Variants in CENPE observed in about 807,000 individuals in gnomAD.
The protein encoded by CENPE is centromere protein E.
Under a neutral mutation model 336.1 loss-of-function variants are expected in CENPE, and 145 were observed. The observed-to-expected ratio is 0.43, with a 90% confidence interval of 0.38 to 0.50. CENPE has a LOEUF of 0.50. Among genes scored for constraint, CENPE ranks in the 20% least tolerant of loss-of-function variants. CENPE has a pLI of 0.00. For missense variants in CENPE, 2,719 were observed against 3,023.3 expected, an observed-to-expected ratio of 0.90 and a Z score of 2.36; for synonymous variants, 1,013 against 984.8, an observed-to-expected ratio of 1.03 and a Z score of -0.54.
chr4:103,144,598 T>C lies in CENPE; in HGVS notation c.4878A>G (p.Lys1626=). 6.2e-7 allele frequency: 1 copy of C among 1,604,832 alleles called. No homozygotes were observed. The highest frequency in any genetic ancestry group is 8.5e-7 in the Non-Finnish European group (1 of 1,176,534). ...IVAKMKESQE[K]EYQFLKMTAV... ...CTGTCATCTTAAGAAACTGATATTCTTTTTCTTGAGATTCTTTCATCTGAG... is the reference window on the plus strand; with the variant it reads ...CTGTCATCTTAAGAAACTGATATTCCTTTTCTTGAGATTCTTTCATCTGAG... Residue 1626 remains lysine, a synonymous_variant, in exon 33 of 49, where the codon AAA becomes AAG. Transcript: ENST00000265148.
intron 13 of CENPE, among the ~76,000 whole-genome samples, chr4:103,177,692 T>G (rs1023782332): frequency 1.3e-5 from 2 of 152,014 alleles, no homozygotes; most frequent in African/African-American, 4.8e-5. Flanking sequence ...AGCCTATCCA[T>G]GCAACCATTC....
At chr4:103,130,097 C>G (rs1333534737) in intron 42 of CENPE, among the ~76,000 whole-genome samples, 1 of 152,192 alleles carries the variant, frequency 6.6e-6, no homozygotes, top group African/African-American at 2.4e-5. Flanking sequence ...CTGCTGTGAT[C>G]AGAAACAAGG....
chr4:103,131,965 T>C (rs1243428532), intron 42 of CENPE, among the ~76,000 whole-genome samples: 1 of 152,146 alleles, frequency 6.6e-6, no homozygotes, highest in Non-Finnish European at 1.5e-5. Context: ...TGAATACAGG[T>C]GGAACCCAGG....
intron 42 of CENPE, among the ~76,000 whole-genome samples, chr4:103,124,793 A>G (rs906157300): frequency 6.6e-5 from 10 of 152,104 alleles, no homozygotes; most frequent in Non-Finnish European, 8.8e-5. Context: ...TCATTCTACC[A>G]GGCTTTGTGG....
chr4:103,120,382 A>G, intron 43 of CENPE, 49 bp from the exon 44 acceptor site: 1 of 1,457,082 alleles, frequency 6.9e-7, no homozygotes, highest in East Asian at 2.3e-5. Context: ...AGACAGAATC[A>G]CAGTATAGAA....
intron 8 of CENPE, among the ~76,000 whole-genome samples, chr4:103,193,373 T>G (rs1757510034): frequency 6.6e-6 from 1 of 152,146 alleles, no homozygotes; most frequent in African/African-American, 2.4e-5. Flanking sequence ...AAATTAGGAT[T>G]GAATATTAAG....
At chr4:103,194,144 G>T in intron 8 of CENPE, 85 bp downstream of exon 8, 2 of 992,968 alleles carry the variant, frequency 2.0e-6, no homozygotes, top group Non-Finnish European at 1.6e-6. Flanking sequence ...TTAGTTAACA[G>T]TTCTTATTAA....
At position 103,194,365 on chromosome 4, in the gene CENPE, A is replaced by T; in HGVS notation, c.627+9T>A. 6.2e-7 allele frequency: 1 copy of T among 1,604,286 alleles called. No homozygotes were observed. The highest frequency in any genetic ancestry group is 1.1e-5 in the South Asian group (1 of 90,804). Reference sequence around the variant, plus strand: ...TGGAAAGATCTAACAGATAGATAGAATTACCTACCATCCTAAAGATGGTAT... The same window carrying T: ...TGGAAAGATCTAACAGATAGATAGATTTACCTACCATCCTAAAGATGGTAT... On this transcript the variant is annotated intron_variant, in intron 7 of 48. Transcript: ENST00000265148.
At chr4:103,163,295 G>T in intron 17 of CENPE, 39 bp from the exon 18 acceptor site, 1 of 1,567,996 alleles carries the variant, frequency 6.4e-7, no homozygotes, top group South Asian at 1.2e-5. Context: ...TTTAGAATCT[G>T]ATTTGAAGTC....
At position 103,181,528 on chromosome 4, in the gene CENPE, C is replaced by A. The variant is rs368226900; in HGVS notation, c.964-72G>T. 1.6e-5 allele frequency: 20 copies of A among 1,278,774 alleles called. 1 individual carries two copies. The African/African-American group carries it at 2.4e-4, about 15-fold the overall frequency. The allele number at this position is 1,278,774 out of a possible 1,614,324, so 79.2% of individuals were successfully genotyped here. ...TTCGAATTTAATTAATAATATTTAGCTTTCTTATATTCAAGATTAAAAAAA... is the reference window on the plus strand; with the variant it reads ...TTCGAATTTAATTAATAATATTTAGATTTCTTATATTCAAGATTAAAAAAA... On this transcript the variant is annotated intron_variant, in intron 11 of 48. Transcript: ENST00000265148.
At chr4:103,120,474 A>T in intron 43 of CENPE, 141 bp from the exon 44 acceptor site, 1 of 631,964 alleles carries the variant, frequency 1.6e-6, no homozygotes, top group South Asian at 2.2e-5. Flanking sequence ...GAGGCCAAAC[A>T]TCATTCAATC....
At chr4:103,112,720 A>G (rs1337082995) in intron 46 of CENPE, among the ~76,000 whole-genome samples, 1 of 124,790 alleles carries the variant, frequency 8.0e-6, no homozygotes, top group Non-Finnish European at 1.6e-5. Context: ...TTATAAGTAT[A>G]TAAGTGTATA....
In CENPE at chr4:103,162,526, A is replaced by G. The variant is rs918318605; in HGVS notation, c.1842+611T>C. On this transcript the variant is annotated intron_variant, in intron 18 of 48. Transcript: ENST00000265148. ...ATCTTGACTATATACTACTGCATGC[A>G]TTTGTATAAAACTACTGAAAAAAAT... is the stretch of plus-strand genomic sequence containing the variant. 7.9e-5 allele frequency among the ~76,000 whole-genome samples: 12 copies of G among 151,970 alleles called. No homozygotes were observed. The South Asian group carries it at 2.5e-3, about 32-fold the overall frequency.
chr4:103,158,269 T>A, intron 24 of CENPE, 31 bp downstream of exon 24: 1 of 1,548,348 alleles, frequency 6.5e-7, no homozygotes, highest in Non-Finnish European at 8.8e-7. Context: ...TATACAAGCA[T>A]ATGAAAACTC....
intron 42 of CENPE, among the ~76,000 whole-genome samples, chr4:103,132,375 G>C (rs952623041): frequency 2.6e-5 from 4 of 152,146 alleles, no homozygotes; most frequent in Admixed American, 2.6e-4. Flanking sequence ...CATGTCTTAC[G>C]ATCTCTAAGG....
chr4:103,165,879 TA>T (rs201641959), intron 16 of CENPE, among the ~76,000 whole-genome samples: 25,217 of 139,680 alleles, frequency 0.18, 2,207 homozygotes, highest in South Asian at 0.32. Context: ...CTTTGTGTTT[TA>T]AAAAAAAAAA....
chr4:103,181,214 G>T, intron 12 of CENPE, 123 bp downstream of exon 12: 1 of 565,228 alleles, frequency 1.8e-6, no homozygotes, highest in Non-Finnish European at 2.7e-6. Context: ...TTCTTTAAAA[G>T]TGATTAAAAA....
In CENPE at chr4:103,181,431, T is replaced by C; in HGVS notation, c.989A>G (p.Lys330Arg). ...TACCTCATTAACATAAGGAGTATTCTTCATATATTTAGCAGTACTGGCAAA... is the reference window on the plus strand; with the variant it reads ...TACCTCATTAACATAAGGAGTATTCCTCATATATTTAGCAGTACTGGCAAA... ...LQFASTAKYM[K>R]NTPYVNEVST... The change falls in exon 12 of 49, where the codon AAG becomes AGG. Residue 330 changes from lysine to arginine, a missense_variant. This residue lies in a region of CENPE where 117 missense variants were observed against 215.8 expected (regional missense o/e 0.54). Coordinates refer to ENST00000265148, the MANE Select transcript of CENPE (RefSeq NM_001813.3). 6.4e-7 allele frequency: 1 copy of C among 1,573,238 alleles called. No homozygotes were observed. The highest frequency in any genetic ancestry group is 8.6e-7 in the Non-Finnish European group (1 of 1,163,204).
Position 103,158,766 on chromosome 4 carries a change from T to C in CENPE, c.2722A>G (p.Arg908Gly). Reference protein sequence around the residue: ...NRDSTLQTVEREKTLITEKLQ... With the variant: ...NRDSTLQTVEGEKTLITEKLQ... ...TTCTCAGTAATCAGTGTTTTCTCCC[T>C]TTCTACAGTTTGCAGCGTAGAATCT... is the stretch of plus-strand genomic sequence containing the variant. Residue 908 changes from arginine to glycine, a missense_variant, in exon 23 of 49, where the codon AGG becomes GGG. Around this residue, in one of 5 missense-constraint regions of CENPE, gnomAD observed 2,437 missense variants for 2,513.3 expected, o/e 0.97. Transcript: ENST00000265148. 3 of 1,613,292 alleles carry C rather than the reference T, an allele frequency of 1.9e-6. No individual in the cohort carries two copies. Among genetic ancestry groups the C allele is most frequent in the Non-Finnish European group, 2.5e-6 (3 of 1,179,506 alleles).
Sources: gnomAD v4.1 joint callset for allele counts (sites outside exome capture counted in the v4.1 genomes callset) on GRCh38, gnomAD v4.1.1 for gene constraint, gnomAD v4.1.1 regional missense constraint, MANE v1.5 for transcripts, NCBI Gene and HGNC (gene_info 2026-07-23, HGNC 2026-07-21) for gene names.